DECR1: variants seen among roughly 807,000 people sequenced by gnomAD.
The protein encoded by DECR1 is 2,4-dienoyl-CoA reductase 1, also known as 2,4-dienoyl-CoA reductase [(3E)-enoyl-CoA-producing], mitochondrial.
DECR1 carries 44 observed loss-of-function variants against 38.8 expected under a neutral mutation model. The observed-to-expected ratio is 1.13, with a 90% CI of 0.89 to 1.46. DECR1 has a LOEUF of 1.46. Ranked by LOEUF, DECR1 falls within the 40% of genes most tolerant of loss-of-function variation. The probability of loss-of-function intolerance (pLI) is 0.00; values close to 1 mark genes in which losing one functional copy is unlikely to be tolerated. For synonymous variants in DECR1, 148 were observed against 135.2 expected, an observed-to-expected ratio of 1.09 and a Z score of -0.66; for missense variants, 428 against 405.5, an observed-to-expected ratio of 1.06 and a Z score of -0.48.
intron 6 of DECR1, among the ~76,000 whole-genome samples, chr8:90,038,711 G>T (rs990120508): frequency 6.6e-6 from 1 of 152,128 alleles, no homozygotes; most frequent in Non-Finnish European, 1.5e-5. Flanking sequence ...GAAGAGTCTG[G>T]TCCGTAGCTG....
rs566991469 is a variant in DECR1 at position 90,042,952 on chromosome 8, C to T, written c.738+152C>T. 1.1e-5 allele frequency: 7 copies of T among 640,312 alleles called. No individual in the cohort carries two copies. In the Admixed American group the frequency reaches 1.4e-4, roughly 13 times the overall value. 39.7% of individuals were successfully genotyped at this position (640,312 alleles called of 1,614,324 possible). On this transcript the variant is annotated intron_variant, in intron 7 of 9. Transcript: ENST00000220764. Reference sequence around the variant, plus strand: ...AGAGGCCTTTGCCTTTATTCATTATCGAATATAAGAAATAAGGAGGCGGGC... The same window carrying T: ...AGAGGCCTTTGCCTTTATTCATTATTGAATATAAGAAATAAGGAGGCGGGC...
chr8:90,048,274 T>C (rs1373479756), intron 8 of DECR1, among the ~76,000 whole-genome samples: 2 of 151,316 alleles, frequency 1.3e-5, no homozygotes, highest in Non-Finnish European at 1.5e-5. Context: ...ACCAAAAAAA[T>C]TGATAGACCG....
chr8:90,022,000 T>TA (rs1813176756), intron 5 of DECR1, among the ~76,000 whole-genome samples: 2 of 152,310 alleles, frequency 1.3e-5, no homozygotes, highest in South Asian at 4.1e-4. Context: ...GACAGACACT[T>TA]ACTAATGACT....
At chr8:90,046,564 T>A (rs952931704) in intron 8 of DECR1, among the ~76,000 whole-genome samples, 3 of 151,816 alleles carry the variant, frequency 2.0e-5, no homozygotes, top group Admixed American at 2.0e-4. Flanking sequence ...CTACGTCTGA[T>A]TGTACCTGAA....
chr8:90,025,208 C>G (rs1239425318), intron 5 of DECR1, among the ~76,000 whole-genome samples: 1 of 152,122 alleles, frequency 6.6e-6, no homozygotes, highest in Non-Finnish European at 1.5e-5. Flanking sequence ...AATGTGGGCT[C>G]TTTTTTGGTT....
intron 8 of DECR1, among the ~76,000 whole-genome samples, chr8:90,050,352 A>C (rs1814043724): frequency 6.6e-6 from 1 of 152,214 alleles, no homozygotes; most frequent in Non-Finnish European, 1.5e-5. Context: ...CCCCATCACA[A>C]AGTGGGCAAA....
At chr8:90,026,307 C>T (rs1307116751) in intron 5 of DECR1, among the ~76,000 whole-genome samples, 7 of 152,136 alleles carry the variant, frequency 4.6e-5, no homozygotes, top group African/African-American at 1.7e-4. Context: ...GGTACCAGCT[C>T]CTCTTTGTAC....
At chr8:90,001,608 C>T in intron 1 of DECR1, 47 bp downstream of exon 1, 4 of 1,562,788 alleles carry the variant, frequency 2.6e-6, no homozygotes, top group East Asian at 2.3e-5. Context: ...CGTCTCGACG[C>T]GCAAAGAGAG....
chr8:90,038,454 CTT>C (rs759045189), intron 6 of DECR1, among the ~76,000 whole-genome samples: 71 of 111,716 alleles, frequency 6.4e-4, no homozygotes, highest in African/African-American at 2.5e-3. Flanking sequence ...CATCGCGGGC[CTT>C]TTTTTTTTTT....
intron 6 of DECR1, among the ~76,000 whole-genome samples, chr8:90,038,586 G>A (rs563780257): frequency 3.0e-4 from 46 of 150,888 alleles, no homozygotes; most frequent in African/African-American, 9.5e-4. Context: ...AGCCTTCCAA[G>A]GAGCTGAGAT....
At chr8:90,033,159 A>C (rs1345327477) in intron 5 of DECR1, among the ~76,000 whole-genome samples, 1 of 152,170 alleles carries the variant, frequency 6.6e-6, no homozygotes, top group Non-Finnish European at 1.5e-5. Flanking sequence ...TGATTCTTTC[A>C]ATTCATAGTT....
chr8:90,006,071 G>A, intron 1 of DECR1: 1 of 630,528 alleles, frequency 1.6e-6, no homozygotes, highest in South Asian at 1.8e-5. Context: ...TGATGGATCT[G>A]CCACCATAAC....
At chr8:90,017,446 T>C (rs890366205) in intron 2 of DECR1, 120 bp downstream of exon 2, 4 of 580,558 alleles carry the variant, frequency 6.9e-6, no homozygotes, top group Admixed American at 3.7e-5. Flanking sequence ...TATGAAATAC[T>C]AGAAATATTA....
chr8:90,048,059 C>A (rs963473449), intron 8 of DECR1, among the ~76,000 whole-genome samples: 1 of 152,158 alleles, frequency 6.6e-6, no homozygotes, highest in Non-Finnish European at 1.5e-5. Context: ...ATTTATAGCA[C>A]TAAATGCCCA....
chr8:90,025,761 G>C (rs1025158096), intron 5 of DECR1, among the ~76,000 whole-genome samples: 3 of 152,116 alleles, frequency 2.0e-5, no homozygotes, highest in African/African-American at 7.2e-5. Flanking sequence ...ACACTATGTT[G>C]AATAGGAGTG....
At position 90,041,902 on chromosome 8, in the gene DECR1, A is replaced by G. The variant is rs1298468868; in HGVS notation, c.666-826A>G. On this transcript the variant is annotated intron_variant, in intron 6 of 9. Coordinates refer to ENST00000220764, the MANE Select transcript of DECR1 (RefSeq NM_001359.2). ...AAATTATCCTGTCTTCCTCATTTGC[A>G]TTATATGAATTCTTTTAAGCTACCT... Among the ~76,000 whole-genome samples, 7 of 151,482 alleles carry G rather than the reference A, an allele frequency of 4.6e-5. No individual in the cohort carries two copies. The East Asian group carries it at 1.2e-3, about 25-fold the overall frequency.
chr8:90,043,958 G>A (rs553699902), intron 7 of DECR1, among the ~76,000 whole-genome samples: 5 of 152,022 alleles, frequency 3.3e-5, no homozygotes, highest in African/African-American at 1.2e-4. Flanking sequence ...CTGTATCTAC[G>A]GGTACTGAGA....
chr8:90,033,529 C>T (rs1337019463), intron 5 of DECR1, among the ~76,000 whole-genome samples: 1 of 152,140 alleles, frequency 6.6e-6, no homozygotes, highest in East Asian at 1.9e-4. Flanking sequence ...GAATTCTTTA[C>T]TTTGCACTTT....
At chr8:90,033,386 T>A (rs531486908) in intron 5 of DECR1, among the ~76,000 whole-genome samples, 1 of 152,322 alleles carries the variant, frequency 6.6e-6, no homozygotes, top group Admixed American at 6.5e-5. Context: ...TAATATAGAT[T>A]CATTTCTGTT....
Sources: gnomAD v4.1 joint callset for allele counts (sites outside exome capture counted in the v4.1 genomes callset) on GRCh38, gnomAD v4.1.1 for gene constraint, MANE v1.5 for transcripts, NCBI Gene and HGNC (gene_info 2026-07-23, HGNC 2026-07-21) for gene names.